CTNNA3: variants seen among roughly 807,000 people sequenced by gnomAD.
The protein encoded by CTNNA3 is catenin alpha-3.
Under a neutral mutation model 95.7 loss-of-function variants are expected in CTNNA3, and 76 were observed. The observed-to-expected ratio is 0.79, with a 90% confidence interval of 0.66 to 0.96. The LOEUF (loss-of-function observed/expected upper bound fraction) is 0.96, where lower values mean the gene tolerates loss of function less well. CTNNA3 is among the 40% of genes least tolerant of loss of function. The pLI is 0.00. For missense variants in CTNNA3, 1,191 were observed against 1,089.8 expected, an observed-to-expected ratio of 1.09 and a Z score of -1.31; for synonymous variants, 431 against 374.4, an observed-to-expected ratio of 1.15 and a Z score of -1.74.
intron 10 of CTNNA3, among the ~76,000 whole-genome samples, chr10:66,579,468 A>G (rs188781369): frequency 1.3e-5 from 2 of 151,514 alleles, no homozygotes; most frequent in Admixed American, 1.3e-4. Flanking sequence ...GGAGATTTCA[A>G]CTCCTACCAC....
chr10:65,942,457 A>G (rs2077445132), intron 17 of CTNNA3, among the ~76,000 whole-genome samples: 1 of 152,190 alleles, frequency 6.6e-6, no homozygotes, highest in Non-Finnish European at 1.5e-5. Context: ...TGAACCCAGG[A>G]GGCAGAGGTT....
chr10:67,386,763 A>C (rs1844184385), intron 5 of CTNNA3, among the ~76,000 whole-genome samples: 1 of 152,190 alleles, frequency 6.6e-6, no homozygotes, highest in Non-Finnish European at 1.5e-5. Context: ...AGAATGATAA[A>C]GGTAGGAAAT....
chr10:66,327,012 A>G (rs963441286), intron 12 of CTNNA3, among the ~76,000 whole-genome samples: 4 of 152,098 alleles, frequency 2.6e-5, no homozygotes, highest in Non-Finnish European at 5.9e-5. Flanking sequence ...ATTGTGTTGA[A>G]AATACAACTG....
intron 7 of CTNNA3, among the ~76,000 whole-genome samples, chr10:66,987,959 C>T (rs1850826290): frequency 6.6e-6 from 1 of 152,106 alleles, no homozygotes; most frequent in South Asian, 2.1e-4. Flanking sequence ...TCTATCATAA[C>T]AAATGTGGGT....
intron 12 of CTNNA3, among the ~76,000 whole-genome samples, chr10:66,327,469 T>C (rs2092268440): frequency 6.6e-6 from 1 of 152,084 alleles, no homozygotes; most frequent in Non-Finnish European, 1.5e-5. Context: ...CTAAAATAGA[T>C]ACATTAAGGT....
chr10:66,596,880 T>C (rs1160291774), intron 10 of CTNNA3, among the ~76,000 whole-genome samples: 1 of 151,746 alleles, frequency 6.6e-6, no homozygotes, highest in Non-Finnish European at 1.5e-5. Context: ...TCAAAATAAT[T>C]GTTTTAAAAA....
chr10:66,431,682 G>C (rs1445009910), intron 11 of CTNNA3, among the ~76,000 whole-genome samples: 2 of 147,604 alleles, frequency 1.4e-5, no homozygotes, highest in Non-Finnish European at 3.0e-5. Context: ...TCACTCACAG[G>C]TGGGAATTGA....
At chr10:66,323,982 T>C (rs944143634) in intron 12 of CTNNA3, among the ~76,000 whole-genome samples, 1 of 151,906 alleles carries the variant, frequency 6.6e-6, no homozygotes, top group Non-Finnish European at 1.5e-5. Context: ...AAGATCATCT[T>C]TCCACTCCAT....
intron 5 of CTNNA3, among the ~76,000 whole-genome samples, chr10:67,437,799 T>A (rs1379022926): frequency 6.6e-6 from 1 of 151,932 alleles, no homozygotes; most frequent in African/African-American, 2.4e-5. Flanking sequence ...TCTGACTGGG[T>A]ATAAAAATGG....
chr10:66,882,329 T>C (rs748170996), intron 7 of CTNNA3, among the ~76,000 whole-genome samples: 4 of 152,126 alleles, frequency 2.6e-5, no homozygotes, highest in Non-Finnish European at 4.4e-5. Flanking sequence ...AACAGTCCCA[T>C]AGCTTTAATT....
intron 9 of CTNNA3, among the ~76,000 whole-genome samples, chr10:66,759,914 C>T (rs1839534896): frequency 6.6e-6 from 1 of 152,012 alleles, no homozygotes. Context: ...TAGTTTTTTA[C>T]TCTTTTTAGT....
At chr10:67,312,265 G>T (rs1390871176) in intron 5 of CTNNA3, among the ~76,000 whole-genome samples, 1 of 151,954 alleles carries the variant, frequency 6.6e-6, no homozygotes. Flanking sequence ...TAGAGACGGG[G>T]TATCACCATG....
intron 15 of CTNNA3, among the ~76,000 whole-genome samples, chr10:66,047,542 T>C (rs1359410674): frequency 2.0e-5 from 3 of 152,156 alleles, no homozygotes; most frequent in Non-Finnish European, 4.4e-5. Flanking sequence ...GGGCAAAAGC[T>C]GGAAGCATTC....
chr10:67,592,901 A>C (rs951899702), intron 3 of CTNNA3, among the ~76,000 whole-genome samples: 3 of 152,142 alleles, frequency 2.0e-5, no homozygotes, highest in African/African-American at 7.2e-5. Flanking sequence ...TTGGGGTACA[A>C]ATTATTTCAT....
chr10:66,043,736 G>A (rs916851128), intron 15 of CTNNA3, among the ~76,000 whole-genome samples: 4 of 152,090 alleles, frequency 2.6e-5, no homozygotes, highest in African/African-American at 4.8e-5. Context: ...CCTGTGGACC[G>A]CAGTTGCCTC....
At chr10:66,822,422 T>C in intron 7 of CTNNA3, among the ~76,000 whole-genome samples, 1 of 152,174 alleles carries the variant, frequency 6.6e-6, no homozygotes, top group East Asian at 1.9e-4. Context: ...CCACTATTCC[T>C]GATTTTCTGG....
chr10:65,928,308 T>C (rs1288074080), intron 17 of CTNNA3, among the ~76,000 whole-genome samples: 1 of 152,196 alleles, frequency 6.6e-6, no homozygotes, highest in Non-Finnish European at 1.5e-5. Context: ...CATTTATGTT[T>C]GGCTCTATTT....
Position 66,649,341 on chromosome 10 carries a change from G to C in CTNNA3, c.1282-27557C>G, listed in dbSNP as rs1360048893. On this transcript the variant is annotated intron_variant, in intron 9 of 17. Transcript: ENST00000433211. ...AACAAATATCCATGCACAAACAAAA[G>C]TTCACAAGAGCTAAAGAAACCATGT... Among the ~76,000 whole-genome samples the C allele has an allele frequency of 2.0e-5, 3 of 151,974 alleles. No individual in the cohort carries two copies. The East Asian group carries it at 5.8e-4, about 29-fold the overall frequency.
intron 7 of CTNNA3, among the ~76,000 whole-genome samples, chr10:66,845,041 C>A (rs1299170920): frequency 1.3e-5 from 2 of 152,132 alleles, no homozygotes; most frequent in African/African-American, 4.8e-5. Context: ...AGATCACAAA[C>A]AATTTGTAAG....
Sources: allele counts gnomAD v4.1 joint callset (sites outside exome capture counted in the v4.1 genomes callset), GRCh38; gene constraint gnomAD v4.1.1; transcripts MANE v1.5; gene names NCBI Gene and HGNC (gene_info 2026-07-23, HGNC 2026-07-21).